UNC13C: variants seen among roughly 807,000 people sequenced by gnomAD.
The protein encoded by UNC13C is unc-13 homolog C, also known as protein unc-13 homolog C.
In UNC13C, 174 loss-of-function variants were observed where a neutral mutation model predicts 245.4. That is an observed-to-expected ratio of 0.71 (90% CI 0.63 to 0.80). The LOEUF (loss-of-function observed/expected upper bound fraction) is 0.80, where lower values mean the gene tolerates loss of function less well. Among genes scored for constraint, UNC13C ranks in the 30% least tolerant of loss-of-function variants. UNC13C has a pLI of 0.00. For synonymous variants in UNC13C, 992 were observed against 895.1 expected, an observed-to-expected ratio of 1.11 and a Z score of -1.93; for missense variants, 2,829 against 2,602.9, an observed-to-expected ratio of 1.09 and a Z score of -1.89.
At chr15:54,223,470 T>C (rs2035286900) in intron 4 of UNC13C, among the ~76,000 whole-genome samples, 1 of 152,146 alleles carries the variant, frequency 6.6e-6, no homozygotes, top group Non-Finnish European at 1.5e-5. Context: ...TTTAGGCCAG[T>C]GCCATGCTAT....
At chr15:53,861,529 C>G in the UNC13C span, among the ~76,000 whole-genome samples, 1 of 151,980 alleles carries the variant, frequency 6.6e-6, no homozygotes, top group African/African-American at 2.4e-5. Flanking sequence ...GGCTGAGAAG[C>G]AGTATATGGT....
At position 54,003,356 on chromosome 15, in the gene UNC13C, T is replaced by C. The variant is rs150224583; in HGVS notation, c.-256-9292T>C. Among the ~76,000 whole-genome samples, 724 of 152,290 alleles carry C rather than the reference T, an allele frequency of 4.8e-3. 6 individuals are homozygous for C. Among genetic ancestry groups the C allele is most frequent in the African/African-American group, 0.016 (679 of 41,546 alleles). On this transcript the variant is annotated intron_variant, in intron 1 of 32. Coordinates refer to ENST00000260323, the MANE Select transcript of UNC13C (RefSeq NM_001080534.3). ...CTCTGTGCATGTGATTAGGAAAATGTTGCAAAGATTGAAAAAGCAACAGTG... is the reference window on the plus strand; with the variant it reads ...CTCTGTGCATGTGATTAGGAAAATGCTGCAAAGATTGAAAAAGCAACAGTG...
chr15:54,557,995 C>T (rs564178201), intron 29 of UNC13C, among the ~76,000 whole-genome samples: 1 of 151,982 alleles, frequency 6.6e-6, no homozygotes, highest in South Asian at 2.1e-4. Flanking sequence ...AGTAAACTAT[C>T]GCAAGAACGA....
intron 10 of UNC13C, among the ~76,000 whole-genome samples, chr15:54,272,815 C>T (rs1176958906): frequency 6.6e-6 from 1 of 151,898 alleles, no homozygotes; most frequent in Non-Finnish European, 1.5e-5. Flanking sequence ...TAATAAATAG[C>T]GGAAGGAGTT....
At chr15:54,175,488 A>G (rs1595949966) in intron 4 of UNC13C, among the ~76,000 whole-genome samples, 2 of 145,144 alleles carry the variant, frequency 1.4e-5, no homozygotes, top group Non-Finnish European at 3.0e-5. Context: ...TCCCAAAAAC[A>G]CTGTTGTTGT....
intron 2 of UNC13C, among the ~76,000 whole-genome samples, chr15:54,037,784 A>G (rs1452727489): frequency 6.6e-6 from 1 of 152,018 alleles, no homozygotes; most frequent in Non-Finnish European, 1.5e-5. Flanking sequence ...TTTGCCATTT[A>G]TGCAAGTGCT....
intron 24 of UNC13C, among the ~76,000 whole-genome samples, chr15:54,517,796 TA>T (rs1309529773): frequency 1.3e-5 from 2 of 152,126 alleles, no homozygotes; most frequent in African/African-American, 4.8e-5. Context: ...TCAGAGCAAT[TA>T]AAGAGATAAG....
At chr15:54,005,902 A>G (rs914776402) in intron 1 of UNC13C, among the ~76,000 whole-genome samples, 1 of 152,192 alleles carries the variant, frequency 6.6e-6, no homozygotes, top group African/African-American at 2.4e-5. Context: ...GGGAAATTAG[A>G]TGGGATATTT....
intron 26 of UNC13C, among the ~76,000 whole-genome samples, chr15:54,538,758 T>A (rs551342924): frequency 0.037 from 5,667 of 152,020 alleles, 349 homozygotes; most frequent in African/African-American, 0.13. Flanking sequence ...GGAAACCAAA[T>A]ACTGCATGTT....
chr15:54,383,801 A>G (rs890700730), intron 17 of UNC13C, among the ~76,000 whole-genome samples: 2 of 152,150 alleles, frequency 1.3e-5, no homozygotes, highest in Non-Finnish European at 2.9e-5. Flanking sequence ...GAACTTATAA[A>G]CAAAGTCAGT....
At chr15:53,891,739 T>C in the UNC13C span, among the ~76,000 whole-genome samples, 1 of 152,222 alleles carries the variant, frequency 6.6e-6, no homozygotes, top group Non-Finnish European at 1.5e-5. Context: ...CCCTTTATTT[T>C]GAGCCTATGT....
chr15:54,379,575 A>G (rs912396328), intron 17 of UNC13C, among the ~76,000 whole-genome samples: 12 of 152,158 alleles, frequency 7.9e-5, no homozygotes, highest in African/African-American at 2.9e-4. Flanking sequence ...TCATAAGAGC[A>G]GTGCTATGTA....
chr15:54,186,856 T>TATATATATATATATATATATA (rs1567079918), intron 4 of UNC13C, among the ~76,000 whole-genome samples: 17 of 120,210 alleles, frequency 1.4e-4, no homozygotes, highest in East Asian at 7.4e-4. Flanking sequence ...TATATATATA[T>TATATATATATATATATATATA]TTTGTTTTTT....
chr15:53,926,120 G>GTTT, the UNC13C span, among the ~76,000 whole-genome samples: 1 of 147,566 alleles, frequency 6.8e-6, no homozygotes, highest in African/African-American at 2.5e-5. Flanking sequence ...TTTAGTTTTT[G>GTTT]TTTTTTTTTT....
intron 4 of UNC13C, among the ~76,000 whole-genome samples, chr15:54,210,253 T>G (rs780453050): frequency 7.4e-4 from 107 of 144,940 alleles, no homozygotes; most frequent in Middle Eastern, 7.4e-3. Context: ...TATATATATA[T>G]ATGGTCTAAC....
At chr15:54,423,041 T>C (rs1230116743) in intron 19 of UNC13C, among the ~76,000 whole-genome samples, 2 of 151,690 alleles carry the variant, frequency 1.3e-5, no homozygotes, top group East Asian at 3.9e-4. Flanking sequence ...AATTCTGAAA[T>C]TGTATTTCTT....
the UNC13C span, among the ~76,000 whole-genome samples, chr15:53,916,467 G>A: frequency 1.2e-4 from 18 of 152,178 alleles, no homozygotes; most frequent in East Asian, 3.9e-4. Context: ...AAGGATGAGG[G>A]GAAGCAGCCC....
In UNC13C at chr15:54,547,022, A is replaced by C. The variant is rs565065711; in HGVS notation, c.5820+177A>C. Among the ~76,000 whole-genome samples the C allele has an allele frequency of 2.5e-4, 38 of 152,322 alleles. No individual in the cohort carries two copies. The South Asian group carries it at 6.0e-3, about 24-fold the overall frequency. ...TTCCTATCCAAGTCAATTTTAAATAATGGCAATAGCAGTCAGACTTCACGT... is the reference window on the plus strand; with the variant it reads ...TTCCTATCCAAGTCAATTTTAAATACTGGCAATAGCAGTCAGACTTCACGT... On this transcript the variant is annotated intron_variant, in intron 27 of 32. Coordinates refer to ENST00000260323, the MANE Select transcript of UNC13C (RefSeq NM_001080534.3).
chr15:54,218,242 C>A (rs1596024668), intron 4 of UNC13C, among the ~76,000 whole-genome samples: 1 of 151,968 alleles, frequency 6.6e-6, no homozygotes, highest in Non-Finnish European at 1.5e-5. Context: ...GTGCTGGCAA[C>A]ACATTTGAGG....
Sources: gnomAD v4.1 joint callset for allele counts (sites outside exome capture counted in the v4.1 genomes callset) on GRCh38, gnomAD v4.1.1 for gene constraint, MANE v1.5 for transcripts, NCBI Gene and HGNC (gene_info 2026-07-23, HGNC 2026-07-21) for gene names.